KCNN2: variants seen among roughly 807,000 people sequenced by gnomAD.
The protein encoded by KCNN2 is small conductance calcium-activated potassium channel protein 2.
KCNN2 carries 24 observed loss-of-function variants against 55.5 expected under a neutral mutation model. The observed-to-expected ratio is 0.43, with a 90% CI of 0.31 to 0.61. The LOEUF is 0.61. KCNN2 is among the 20% of genes least tolerant of loss of function. The pLI, the probability that KCNN2 is intolerant of heterozygous loss-of-function variation, is 0.08. For synonymous variants in KCNN2, 431 were observed against 336.1 expected, an observed-to-expected ratio of 1.28 and a Z score of -3.09; for missense variants, 754 against 853.6, an observed-to-expected ratio of 0.88 and a Z score of 1.45.
intron 3 of KCNN2, among the ~76,000 whole-genome samples, chr5:114,440,830 C>G (rs560343506): frequency 7.8e-4 from 74 of 94,304 alleles, no homozygotes; most frequent in African/African-American, 2.0e-3. Flanking sequence ...GAGCATATAA[C>G]AAACAGGGAA....
chr5:114,254,391 G>T (rs1754941261), intron 2 of KCNN2, among the ~76,000 whole-genome samples: 1 of 152,162 alleles, frequency 6.6e-6, no homozygotes, highest in South Asian at 2.1e-4. Context: ...TCTTGAGATT[G>T]TAGAGAGCAG....
chr5:114,438,444 C>G (rs564094588), intron 3 of KCNN2, among the ~76,000 whole-genome samples: 1 of 152,220 alleles, frequency 6.6e-6, no homozygotes, highest in South Asian at 2.1e-4. Context: ...AAATATATTT[C>G]TGTTGCAACT....
At chr5:114,338,267 G>C (rs1406417430) in intron 2 of KCNN2, among the ~76,000 whole-genome samples, 2 of 152,154 alleles carry the variant, frequency 1.3e-5, no homozygotes, top group African/African-American at 4.8e-5. Context: ...ACTTGAATTA[G>C]TAATAAGCAC....
intron 1 of KCNN2, among the ~76,000 whole-genome samples, chr5:114,173,404 G>C (rs1753076724): frequency 6.7e-6 from 1 of 150,286 alleles, no homozygotes; most frequent in Non-Finnish European, 1.5e-5. Flanking sequence ...GGATAGCTTT[G>C]GCTATTCTGG....
chr5:114,216,493 C>T (rs1344403849), intron 1 of KCNN2, among the ~76,000 whole-genome samples: 1 of 152,022 alleles, frequency 6.6e-6, no homozygotes, highest in Non-Finnish European at 1.5e-5. Context: ...ATCTGAAGTT[C>T]TTATGTAAAG....
At chr5:114,244,293 A>AT (rs1423986727) in intron 2 of KCNN2, among the ~76,000 whole-genome samples, 3,702 of 151,042 alleles carry the variant, frequency 0.025, 139 homozygotes, top group African/African-American at 0.085. Flanking sequence ...AGCAAGATGG[A>AT]ATTTTTTTGC....
rs181410567 is a variant in KCNN2 at position 114,116,901 on chromosome 5, A to G, written c.-271+60401A>G. 4.6e-3 allele frequency among the ~76,000 whole-genome samples: 705 copies of G among 152,258 alleles called. 1 individual carries two copies. The highest frequency in any genetic ancestry group is 7.3e-3 in the Non-Finnish European group (494 of 68,012). ...CCTGGACAGTTACCCATTTCTGTTC[A>G]TCATAATATTGCCATCTGCTTCCAT... On this transcript the variant is annotated intron_variant, in intron 1 of 10. Transcript: ENST00000512097.
At chr5:114,100,901 TAA>T (rs1215860208) in intron 1 of KCNN2, among the ~76,000 whole-genome samples, 1 of 151,930 alleles carries the variant, frequency 6.6e-6, no homozygotes, top group African/African-American at 2.4e-5. Flanking sequence ...AAGAAGAATA[TAA>T]GTCCATAGTT....
chr5:114,180,476 ACTT>A (rs1484754114), intron 1 of KCNN2, among the ~76,000 whole-genome samples: 1 of 152,090 alleles, frequency 6.6e-6, no homozygotes, highest in East Asian at 1.9e-4. Flanking sequence ...CTTTTAATCA[ACTT>A]CTTGTGTTAT....
At chr5:114,392,963 C>A (rs913744544) in intron 2 of KCNN2, among the ~76,000 whole-genome samples, 1 of 151,260 alleles carries the variant, frequency 6.6e-6, no homozygotes, top group South Asian at 2.1e-4. Context: ...ATTGGAAGTT[C>A]CTTGTCATGG....
chr5:114,361,805 T>A (rs1457504325), upstream of KCNN2, among the ~76,000 whole-genome samples: 2 of 152,044 alleles, frequency 1.3e-5, no homozygotes, highest in African/African-American at 4.8e-5. Context: ...GGGCTCTCCA[T>A]CTCCACGCAA....
At chr5:114,338,831 G>C (rs1756969281) in intron 2 of KCNN2, among the ~76,000 whole-genome samples, 1 of 152,192 alleles carries the variant, frequency 6.6e-6, no homozygotes, top group Non-Finnish European at 1.5e-5. Flanking sequence ...GCTGAAGATG[G>C]GGTGGCTAAT....
upstream of KCNN2, among the ~76,000 whole-genome samples, chr5:114,359,763 G>A (rs959485589): frequency 1.3e-5 from 2 of 152,168 alleles, no homozygotes; most frequent in African/African-American, 2.4e-5. Flanking sequence ...CAATCGCTAC[G>A]TATAGCAACT....
Position 114,362,430 on chromosome 5 carries a change from C to G in KCNN2, c.291C>G (p.Gly97=), listed in dbSNP as rs895943153. ...TGCTCCGCACCTCCTCGCCCGGCGG[C>G]GCCTTCCGGACCCGCACCTCCTCGC... The part of the protein sequence containing the change: ...SLLLRTSSPG[G]AFRTRTSSPL... The change falls in exon 1 of 8, where the codon GGC becomes GGG. Residue 97 remains glycine (G), a synonymous_variant. Coordinates refer to ENST00000673685, the MANE Select transcript of KCNN2 (RefSeq NM_021614.4). 66 of 349,272 alleles carry G rather than the reference C, an allele frequency of 1.9e-4. No individual in the cohort carries two copies. The highest frequency in any genetic ancestry group is 1.5e-4 in the Admixed American group (3 of 19,990). 21.6% of individuals were successfully genotyped at this position (349,272 alleles called of 1,614,324 possible). A position where few individuals can be genotyped will look rare whatever the true frequency, so the allele number is the denominator to read the frequency against.
intron 1 of KCNN2, among the ~76,000 whole-genome samples, chr5:114,139,643 A>G (rs563883982): frequency 3.8e-4 from 57 of 151,124 alleles, no homozygotes; most frequent in South Asian, 1.9e-3. Flanking sequence ...TAAATAATAT[A>G]GTATTTACTT....
intron 1 of KCNN2, among the ~76,000 whole-genome samples, chr5:114,157,533 G>A (rs1467895268): frequency 5.9e-5 from 9 of 152,238 alleles, no homozygotes; most frequent in Admixed American, 5.9e-4. Context: ...TAATGGGATG[G>A]CTGGGTCAAA....
intron 1 of KCNN2, among the ~76,000 whole-genome samples, chr5:114,199,307 G>A (rs1753621762): frequency 6.6e-6 from 1 of 151,954 alleles, no homozygotes. Context: ...CCATCTATAT[G>A]TGTCTTTATG....
chr5:114,087,197 C>G (rs1400178573), intron 1 of KCNN2, among the ~76,000 whole-genome samples: 1 of 151,956 alleles, frequency 6.6e-6, no homozygotes, highest in Non-Finnish European at 1.5e-5. Flanking sequence ...ATGCATAGCT[C>G]ATGACTATTT....
intron 1 of KCNN2, among the ~76,000 whole-genome samples, chr5:114,204,931 A>G (rs986962039): frequency 6.6e-6 from 1 of 152,252 alleles, no homozygotes; most frequent in Non-Finnish European, 1.5e-5. Flanking sequence ...TTATAGCATA[A>G]GAGACTCACT....
Sources: allele counts gnomAD v4.1 joint callset (sites outside exome capture counted in the v4.1 genomes callset), GRCh38; gene constraint gnomAD v4.1.1; transcripts MANE v1.5; gene names NCBI Gene and HGNC (gene_info 2026-07-23, HGNC 2026-07-21).